The following TNNI3K variants were observed in gnomAD, a reference collection of about 807,000 sequenced individuals.
The protein encoded by TNNI3K is TNNI3 interacting kinase, also known as serine/threonine-protein kinase TNNI3K.
TNNI3K carries 140 observed loss-of-function variants against 114.5 expected under a neutral mutation model. The observed-to-expected ratio is 1.22, with a 90% CI of 1.07 to 1.41. TNNI3K has a LOEUF of 1.41. Ranked by LOEUF, TNNI3K falls within the 40% of genes most tolerant of loss-of-function variation. The pLI is 0.00. For synonymous variants in TNNI3K, 347 were observed against 347.5 expected, an observed-to-expected ratio of 1.00 and a Z score of 0.02; for missense variants, 1,125 against 1,007.6, an observed-to-expected ratio of 1.12 and a Z score of -1.58.
intron 17 of TNNI3K, among the ~76,000 whole-genome samples, chr1:74,396,559 G>A (rs1410593777): frequency 1.3e-5 from 2 of 152,220 alleles, no homozygotes; most frequent in African/African-American, 4.8e-5. Flanking sequence ...GGGAAGAGGG[G>A]AATGATTAGA....
At chr1:74,385,297 T>C (rs1663416164) in intron 17 of TNNI3K, among the ~76,000 whole-genome samples, 1 of 152,174 alleles carries the variant, frequency 6.6e-6, no homozygotes, top group Non-Finnish European at 1.5e-5. Flanking sequence ...AAATATTTTT[T>C]GTATTGATTG....
At chr1:74,355,574 A>G (rs1484708511) in intron 11 of TNNI3K, among the ~76,000 whole-genome samples, 1 of 152,148 alleles carries the variant, frequency 6.6e-6, no homozygotes, top group Non-Finnish European at 1.5e-5. Flanking sequence ...ATTGCACTCC[A>G]GCCTGGCAAC....
intron 2 of TNNI3K, among the ~76,000 whole-genome samples, chr1:74,238,082 G>A (rs556478364): frequency 6.6e-6 from 1 of 152,082 alleles, no homozygotes; most frequent in South Asian, 2.1e-4. Flanking sequence ...TGGAATCATT[G>A]TAGATAAAAA....
chr1:74,310,640 A>G (rs1160602231), intron 5 of TNNI3K, among the ~76,000 whole-genome samples: 1 of 152,156 alleles, frequency 6.6e-6, no homozygotes, highest in Non-Finnish European at 1.5e-5. Context: ...ACAGAACACA[A>G]TAGAAAACCT....
At chr1:74,409,918 A>G (rs924790225) in intron 17 of TNNI3K, among the ~76,000 whole-genome samples, 1 of 152,190 alleles carries the variant, frequency 6.6e-6, no homozygotes, top group Admixed American at 6.5e-5. Flanking sequence ...ATGAAAGTCA[A>G]TGAGTGAGGT....
chr1:74,370,321 A>G lies in TNNI3K; in HGVS notation c.1701A>G (p.Ala567=). ...ATTTGCAGTCTAAATTAATTATTGC[A>G]GTAGATGTTGCCAAAGGCATGGAGT... ...ILDLQSKLII[A]VDVAKGMEYL... is the part of the protein sequence containing the mutation. The change falls in exon 17 of 25, where the codon GCA becomes GCG. Residue 567 remains alanine, a synonymous_variant. Transcript: ENST00000326637. 6.2e-7 allele frequency: 1 copy of G among 1,604,686 alleles called. No homozygotes were observed. Among genetic ancestry groups the G allele is most frequent in the Non-Finnish European group, 8.5e-7 (1 of 1,174,470 alleles).
At chr1:74,373,704 A>G (rs931602935) in intron 17 of TNNI3K, 14 of 151,862 alleles carry the variant, frequency 9.2e-5, no homozygotes, top group African/African-American at 3.4e-4. Context: ...CAACTTGCCC[A>G]ATAACTTTTA....
chr1:74,298,914 A>G (rs1253085661), intron 5 of TNNI3K, among the ~76,000 whole-genome samples: 6 of 152,142 alleles, frequency 3.9e-5, no homozygotes, highest in African/African-American at 1.4e-4. Flanking sequence ...ACCAGTTGGC[A>G]GATTTATTGT....
At chr1:74,254,194 T>C (rs949779579) in intron 4 of TNNI3K, among the ~76,000 whole-genome samples, 1 of 152,224 alleles carries the variant, frequency 6.6e-6, no homozygotes, top group Non-Finnish European at 1.5e-5. Flanking sequence ...CAGTAAATTG[T>C]ATAAAACATG....
chr1:74,418,227 C>T (rs1236253341), intron 17 of TNNI3K: 1 of 450,172 alleles, frequency 2.2e-6, no homozygotes, highest in African/African-American at 2.0e-5. Context: ...GAACATGAGG[C>T]AGTGCATCAG....
chr1:74,316,303 T>C (rs910644605), intron 5 of TNNI3K, among the ~76,000 whole-genome samples: 1 of 152,206 alleles, frequency 6.6e-6, no homozygotes, highest in African/African-American at 2.4e-5. Flanking sequence ...CTGCCTTTTC[T>C]CCATTACCCT....
chr1:74,290,336 AC>A (rs542070439), intron 5 of TNNI3K, among the ~76,000 whole-genome samples: 40 of 151,704 alleles, frequency 2.6e-4, no homozygotes, highest in African/African-American at 9.2e-4. Context: ...ATTGAAAAAA[AC>A]CCAGCACCAA....
intron 4 of TNNI3K, among the ~76,000 whole-genome samples, chr1:74,264,350 T>C (rs1325084091): frequency 6.6e-6 from 1 of 152,000 alleles, no homozygotes; most frequent in African/African-American, 2.4e-5. Flanking sequence ...GGGATGTCTA[T>C]GATGCACGAG....
At chr1:74,295,119 C>T (rs1461944416) in intron 5 of TNNI3K, among the ~76,000 whole-genome samples, 1 of 151,898 alleles carries the variant, frequency 6.6e-6, no homozygotes, top group Non-Finnish European at 1.5e-5. Flanking sequence ...TATTATTTGT[C>T]TCATGGGTCA....
At chr1:74,239,934 A>G (rs779480368) in intron 2 of TNNI3K, 2 of 470,266 alleles carry the variant, frequency 4.3e-6, no homozygotes, top group South Asian at 3.1e-5. Context: ...GCATTCACTC[A>G]TAACTTTGGA....
At chr1:74,497,444 A>G (rs994783613) in intron 23 of TNNI3K, among the ~76,000 whole-genome samples, 1 of 151,970 alleles carries the variant, frequency 6.6e-6, no homozygotes, top group Non-Finnish European at 1.5e-5. Context: ...ACTCACCACA[A>G]TCAGCAATTT....
intron 17 of TNNI3K, among the ~76,000 whole-genome samples, chr1:74,395,157 C>T (rs1239509790): frequency 2.0e-5 from 3 of 152,108 alleles, no homozygotes; most frequent in African/African-American, 7.2e-5. Flanking sequence ...GGGACTACTA[C>T]AAGCAATTTA....
At chr1:74,295,021 G>A (rs1657896723) in intron 5 of TNNI3K, among the ~76,000 whole-genome samples, 1 of 151,470 alleles carries the variant, frequency 6.6e-6, no homozygotes, top group South Asian at 2.1e-4. Flanking sequence ...TAAGACTATA[G>A]TTTTTCATTT....
At chr1:74,431,522 C>T (rs777056172) in intron 17 of TNNI3K, among the ~76,000 whole-genome samples, 2 of 152,162 alleles carry the variant, frequency 1.3e-5, no homozygotes, top group Non-Finnish European at 2.9e-5. Flanking sequence ...ACTTAGCCTT[C>T]GCAGCAGAGA....
Sources: allele counts gnomAD v4.1 joint callset (sites outside exome capture counted in the v4.1 genomes callset), GRCh38; gene constraint gnomAD v4.1.1; transcripts MANE v1.5; gene names NCBI Gene and HGNC (gene_info 2026-07-23, HGNC 2026-07-21).